The following PTPRN variants were observed in gnomAD, a reference collection of about 807,000 sequenced individuals.
PTPRN encodes the protein protein tyrosine phosphatase receptor type N.
A neutral mutation model predicts 108.5 loss-of-function variants in PTPRN; 70 were observed. That is an observed-to-expected ratio of 0.65 (90% confidence interval 0.53 to 0.79). The LOEUF (loss-of-function observed/expected upper bound fraction) is 0.79. Among genes scored for constraint, PTPRN ranks in the 30% least tolerant of loss-of-function variants. The pLI is 0.00. For synonymous variants in PTPRN, 496 were observed against 524.6 expected, an observed-to-expected ratio of 0.95 and a Z score of 0.75; for missense variants, 1,136 against 1,295.5, an observed-to-expected ratio of 0.88 and a Z score of 1.89.
At chr2:219,291,848 C>G (rs981196956) in intron 19 of PTPRN, 3 of 424,610 alleles carry the variant, frequency 7.1e-6, no homozygotes, top group Non-Finnish European at 1.3e-5. Flanking sequence ...ACAATGATCA[C>G]ATGAGATAAC....
chr2:219,298,216 C>G (rs1226670606), intron 12 of PTPRN, 113 bp from the exon 13 acceptor site: 1 of 1,052,510 alleles, frequency 9.5e-7, no homozygotes. Flanking sequence ...TGGGGCAAAG[C>G]TGGGAGATTA....
Position 219,297,998 on chromosome 2 carries a change from C to T in PTPRN, c.1774G>A (p.Val592Met). 1 of 1,613,866 alleles carries T rather than the reference C, an allele frequency of 6.2e-7. No homozygotes were observed. Among genetic ancestry groups the T allele is most frequent in the Non-Finnish European group, 8.5e-7 (1 of 1,179,950 alleles). The change falls in exon 13 of 23, where the codon GTG becomes ATG. Residue 592 changes from valine to methionine, a missense_variant. Transcript: ENST00000295718. This position sits in a 1 kb window ranked among gnomAD's most constrained non-coding sequence, Gnocchi z 6.0. Reference sequence around the variant, plus strand: ...ACACACAGAGCCACAGCCAGAGCCACCAGCAGCCCAGCCACACCTGCCAGG... The same window carrying T: ...ACACACAGAGCCACAGCCAGAGCCATCAGCAGCCCAGCCACACCTGCCAGG... ...VALAGVAGLL[V>M]ALAVALCVRQ... is the part of the protein sequence containing the mutation.
At chr2:219,299,441 A>C in intron 10 of PTPRN, 57 bp from the exon 11 acceptor site, 1 of 1,564,772 alleles carries the variant, frequency 6.4e-7, no homozygotes, top group Non-Finnish European at 8.8e-7. Context: ...GACTTCAAAA[A>C]AGAGGCCAGC....
In PTPRN at chr2:219,290,418, C is replaced by A; in HGVS notation, c.2868+120G>T. The A allele has an allele frequency of 7.2e-7, 1 of 1,397,176 alleles. No individual in the cohort carries two copies. The highest frequency in any genetic ancestry group is 9.9e-7 in the Non-Finnish European group (1 of 1,007,886). 86.5% of individuals were successfully genotyped at this position (1,397,176 alleles called of 1,614,324 possible). On this transcript the variant is annotated intron_variant, in intron 22 of 22. Coordinates refer to ENST00000295718, the MANE Select transcript of PTPRN (RefSeq NM_002846.4). This position sits in a 1 kb window ranked among gnomAD's most constrained non-coding sequence, Gnocchi z 4.2. ...GGTCCCCTGGGAGGAAGGGAGCCCTCCTGGAGGAGGCGCAGAAGCAGGTGG... is the reference window on the plus strand; with the variant it reads ...GGTCCCCTGGGAGGAAGGGAGCCCTACTGGAGGAGGCGCAGAAGCAGGTGG...
chr2:219,308,685 C>G (rs1952546158), intron 1 of PTPRN, among the ~76,000 whole-genome samples: 1 of 152,058 alleles, frequency 6.6e-6, no homozygotes, highest in South Asian at 2.1e-4. Context: ...CTCTTCTGCC[C>G]CCTCCCCGTG....
Position 219,301,716 on chromosome 2 carries a change from G to T in PTPRN, c.998C>A (p.Ala333Glu). 1 of 1,607,122 alleles carries T rather than the reference G, an allele frequency of 6.2e-7. No homozygotes were observed. Among genetic ancestry groups the T allele is most frequent in the Non-Finnish European group, 8.5e-7 (1 of 1,174,680 alleles). ...KPASPAVQPD[A>E]ALQRLAAVLA... ...CACAGCGGCCAGCCTCTGCAGAGCCGCATCTGCTGGGAGCCAGACACAGAG... is the reference window on the plus strand; with the variant it reads ...CACAGCGGCCAGCCTCTGCAGAGCCTCATCTGCTGGGAGCCAGACACAGAG... The change falls in exon 7 of 23, where the codon GCG (alanine) becomes GAG (glutamate). Residue 333 changes from alanine to glutamate, a missense_variant. Ala to Glu is a moderately radical substitution (Grantham distance 107). Transcript: ENST00000295718.
At position 219,296,603 on chromosome 2, in the gene PTPRN, G is replaced by A; in HGVS notation, c.2311-87C>T. On this transcript the variant is annotated intron_variant, in intron 16 of 22. Transcript: ENST00000295718. This position sits in a 1 kb window ranked among gnomAD's most constrained non-coding sequence, Gnocchi z 6.0. Reference sequence around the variant, plus strand: ...TCAGAGCAAGTGGGTCAGGGTCTGAGAAGGCTGGCAGTTCCCCCTTGCTAG... The same window carrying A: ...TCAGAGCAAGTGGGTCAGGGTCTGAAAAGGCTGGCAGTTCCCCCTTGCTAG... 1 of 1,575,854 alleles carries A rather than the reference G, an allele frequency of 6.3e-7. No individual in the cohort carries two copies.
At chr2:219,299,241 G>T (rs1952279870) in intron 11 of PTPRN, 64 bp downstream of exon 11, 1 of 1,600,518 alleles carries the variant, frequency 6.2e-7, no homozygotes, top group Non-Finnish European at 8.6e-7. Context: ...CAACAGGCCT[G>T]GATATATCCT....
At chr2:219,307,359 G>A in intron 3 of PTPRN, 85 bp downstream of exon 3, 1 of 1,172,296 alleles carries the variant, frequency 8.5e-7, no homozygotes, top group Non-Finnish European at 1.2e-6. Flanking sequence ...GGGGGTGATA[G>A]GAATATTCCT....
Position 219,301,702 on chromosome 2 carries a change from G to T in PTPRN, c.1012C>A (p.Leu338Met). The stretch of plus-strand genomic sequence containing the variant: ...CCATAGCCCGCCAGCACAGCGGCCA[G>T]CCTCTGCAGAGCCGCATCTGCTGGG... ...AVQPDAALQR[L>M]AAVLAGYGVE... Residue 338 changes from leucine (L) to methionine (M), a missense_variant, in exon 7 of 23, where the codon CTG (leucine) becomes ATG (methionine). By Grantham distance (15) the Leu-to-Met change is conservative. Transcript: ENST00000295718. 6.2e-7 allele frequency: 1 copy of T among 1,611,456 alleles called. No individual in the cohort carries two copies. Among genetic ancestry groups the T allele is most frequent in the Non-Finnish European group, 8.5e-7 (1 of 1,177,832 alleles).
chr2:219,303,902 CAGA>C, intron 3 of PTPRN, 71 bp from the exon 4 acceptor site: 1 of 1,159,030 alleles, frequency 8.6e-7, no homozygotes, highest in Non-Finnish European at 1.2e-6. Flanking sequence ...CACTGGGGAT[CAGA>C]ACTGTACCCT....
chr2:219,298,946 G>C, intron 12 of PTPRN, 101 bp downstream of exon 12: 5 of 1,398,412 alleles, frequency 3.6e-6, no homozygotes, highest in Non-Finnish European at 5.1e-6. Context: ...CGTGCCTACG[G>C]ACACGTTTCG....
At position 219,300,963 on chromosome 2, in the gene PTPRN, C is replaced by T. The variant is rs564719487; in HGVS notation, c.1141G>A (p.Val381Ile). The T allele has an allele frequency of 3.1e-6, 5 of 1,614,154 alleles. No homozygotes were observed. The highest frequency in any genetic ancestry group is 1.1e-5 in the South Asian group (1 of 91,078). Residue 381 changes from valine (V) to isoleucine (I), a missense_variant, in exon 8 of 23, where the codon GTT becomes ATT. Transcript: ENST00000295718. ...AGRNPGGVVN[V>I]GADIKKTMEG... is the part of the protein sequence containing the mutation. ...CTCACTTTCTTGATATCAGCTCCAACATTTACAACCCCTCCTGCGAGACAG... is the reference window on the plus strand; with the variant it reads ...CTCACTTTCTTGATATCAGCTCCAATATTTACAACCCCTCCTGCGAGACAG...
chr2:219,295,289 C>CG, intron 18 of PTPRN, 148 bp from the exon 19 acceptor site: 1 of 770,802 alleles, frequency 1.3e-6, no homozygotes, highest in Non-Finnish European at 2.1e-6. Context: ...TCCCAGGAAC[C>CG]CTGGCTGCCT....
At position 219,309,214 on chromosome 2, in the gene PTPRN, T is replaced by G; in HGVS notation, c.115+4A>C. Reference sequence around the variant, plus strand: ...CCACCCGCCAGCCCAAGTTTCCTCCTGACCGTGGGCACTAACGGCGCTGCA... The same window carrying G: ...CCACCCGCCAGCCCAAGTTTCCTCCGGACCGTGGGCACTAACGGCGCTGCA... On this transcript the variant is annotated splice_donor_region_variant and intron_variant, in intron 1 of 22. Coordinates refer to ENST00000295718, the MANE Select transcript of PTPRN (RefSeq NM_002846.4). 1 of 1,065,660 alleles carries G rather than the reference T, an allele frequency of 9.4e-7. No homozygotes were observed. The highest frequency in any genetic ancestry group is 4.0e-5 in the East Asian group (1 of 24,884). The allele number at this position is 1,065,660 out of a possible 1,614,324, so 66.0% of individuals were successfully genotyped here.
At chr2:219,294,034 CTT>C in intron 19 of PTPRN, 1 of 495,880 alleles carries the variant, frequency 2.0e-6, no homozygotes, top group South Asian at 1.5e-5. Context: ...TTTCGACAGT[CTT>C]TGCCTCTTCC....
chr2:219,296,469 C>T lies in PTPRN; in HGVS notation c.2358G>A (p.Pro786=), dbSNP rs749188666. 3.8e-5 allele frequency: 62 copies of T among 1,614,020 alleles called. No individual in the cohort carries two copies. Among genetic ancestry groups the T allele is most frequent in the South Asian group, 2.7e-4 (25 of 91,084 alleles). ...AGAAGTCTGCGATGGTATGGGACAG[C>T]GGGCCCTGCGTGGCTATGTAGGCTG... ...RMPAYIATQG[P]LSHTIADFWQ... The change falls in exon 17 of 23, where the codon CCG becomes CCA. Residue 786 remains proline (P), a synonymous_variant. Transcript: ENST00000295718. This position sits in a 1 kb window ranked among gnomAD's most constrained non-coding sequence, Gnocchi z 6.0.
At chr2:219,308,811 C>A (rs927651945) in intron 1 of PTPRN, 3 of 1,289,180 alleles carry the variant, frequency 2.3e-6, no homozygotes, top group African/African-American at 3.0e-5. Context: ...CAGGCTTCCA[C>A]TGCCCAGAGA....
chr2:219,290,472 G>A lies in PTPRN; in HGVS notation c.2868+66C>T. On this transcript the variant is annotated intron_variant, in intron 22 of 22. Coordinates refer to ENST00000295718, the MANE Select transcript of PTPRN (RefSeq NM_002846.4). The surrounding 1 kb of genome is among the most constrained non-coding windows in gnomAD (Gnocchi z 4.2). ...AGGTTGGCAGCTGCTGCTTTCCCTG[G>A]GGTGGCCAAGAAGTGGGTGCTAGGG... 6.8e-7 allele frequency: 1 copy of A among 1,478,994 alleles called. No homozygotes were observed. The highest frequency in any genetic ancestry group is 1.2e-5 in the South Asian group (1 of 82,262). The allele number at this position is 1,478,994 out of a possible 1,614,324, so 91.6% of individuals were successfully genotyped here.
Sources: gnomAD v4.1 joint callset for allele counts (sites outside exome capture counted in the v4.1 genomes callset) on GRCh38, gnomAD v4.1.1 for gene constraint, Gnocchi (gnomAD v3.1) non-coding constraint, MANE v1.5 for transcripts, NCBI Gene and HGNC (gene_info 2026-07-23, HGNC 2026-07-21) for gene names.